Variants in LBP observed in about 807,000 individuals in gnomAD.
LBP encodes lipopolysaccharide binding protein, also known as lipopolysaccharide-binding protein.
A neutral mutation model predicts 56.6 loss-of-function variants in LBP; 53 were observed. The observed-to-expected ratio is 0.94, with a 90% CI of 0.75 to 1.18. The LOEUF (loss-of-function observed/expected upper bound fraction) is 1.18, where lower values mean the gene tolerates loss of function less well. Ranked by LOEUF, LBP falls within the 50% of genes most tolerant of loss-of-function variation. The probability of loss-of-function intolerance (pLI) is 0.00; values close to 1 mark genes in which losing one functional copy is unlikely to be tolerated. For missense variants in LBP, 601 were observed against 598.3 expected, an observed-to-expected ratio of 1.00 and a Z score of -0.05; for synonymous variants, 227 against 247.5, an observed-to-expected ratio of 0.92 and a Z score of 0.78.
intron 1 of LBP, among the ~76,000 whole-genome samples, chr20:38,348,955 G>A (rs762678803): frequency 6.6e-6 from 1 of 151,938 alleles, no homozygotes; most frequent in Non-Finnish European, 1.5e-5. Flanking sequence ...CACCATGCCC[G>A]GCTAATTTTT....
At chr20:38,374,950 A>ATTT (rs370110558) in intron 14 of LBP, among the ~76,000 whole-genome samples, 3 of 127,144 alleles carry the variant, frequency 2.4e-5, no homozygotes, top group South Asian at 2.6e-4. Flanking sequence ...CTCCCAGCTA[A>ATTT]TTTTTTTTTT....
At position 38,373,152 on chromosome 20, in the gene LBP, A is replaced by T; in HGVS notation, c.1324+17A>T. 6.2e-7 allele frequency: 1 copy of T among 1,609,402 alleles called. No homozygotes were observed. Among genetic ancestry groups the T allele is most frequent in the Non-Finnish European group, 8.5e-7 (1 of 1,175,738 alleles). On this transcript the variant is annotated intron_variant, in intron 13 of 14. Transcript: ENST00000217407. ...AGTTCAATGGTAAGAATCACTGTGG[A>T]TTTTTCCAAGTCAAAAGTGAACACT... is the stretch of plus-strand genomic sequence containing the variant.
chr20:38,355,206 T>C, intron 4 of LBP, 140 bp from the exon 5 acceptor site: 1 of 715,766 alleles, frequency 1.4e-6, no homozygotes, highest in Non-Finnish European at 2.5e-6. Context: ...TCAGGCTGGA[T>C]GTGCTGGGAC....
intron 5 of LBP, among the ~76,000 whole-genome samples, chr20:38,359,553 G>A (rs1408010110): frequency 1.3e-5 from 2 of 152,024 alleles, no homozygotes; most frequent in Non-Finnish European, 2.9e-5. Context: ...TTGCACTCTA[G>A]CCTAGATAAC....
intron 3 of LBP, among the ~76,000 whole-genome samples, chr20:38,353,514 G>A (rs907686128): frequency 7.9e-5 from 8 of 100,734 alleles, no homozygotes; most frequent in Admixed American, 1.6e-4. Context: ...TTTTGCTACT[G>A]CCTATGATGC....
At chr20:38,353,887 A>G (rs1360418550) in intron 3 of LBP, among the ~76,000 whole-genome samples, 1 of 149,784 alleles carries the variant, frequency 6.7e-6, no homozygotes, top group African/African-American at 2.5e-5. Flanking sequence ...TTTCCTTGTT[A>G]ATTTATATTG....
intron 5 of LBP, among the ~76,000 whole-genome samples, chr20:38,360,266 A>C (rs1456235770): frequency 6.6e-6 from 1 of 152,036 alleles, no homozygotes; most frequent in African/African-American, 2.4e-5. Context: ...TCTCAAAAAA[A>C]AAAAAAAACA....
Position 38,350,804 on chromosome 20 carries a change from C to T in LBP, c.240-7C>T, listed in dbSNP as rs2076817750. ...GCTGACACCTCCTTCCATGTCTCTC[C>T]CTTCAGCCTGAACATCCACAGCTGT... On this transcript the variant is annotated splice_polypyrimidine_tract_variant and splice_region_variant and intron_variant, in intron 2 of 14. Transcript: ENST00000217407. 1.9e-6 allele frequency: 3 copies of T among 1,601,030 alleles called. No individual in the cohort carries two copies. The highest frequency in any genetic ancestry group is 4.5e-5 in the East Asian group (2 of 44,550).
rs2076835530 is a variant in LBP at position 38,355,444 on chromosome 20, T to C, written c.588+35T>C. ...TCCAAGCCTCTGGCCTCCCCCGAGC[T>C]TGGCGAGGGCTGAATGGAAGACCTC... On this transcript the variant is annotated intron_variant, in intron 5 of 14. Transcript: ENST00000217407. 3.1e-6 allele frequency: 5 copies of C among 1,590,148 alleles called. No homozygotes were observed. The East Asian group carries it at 1.1e-4, about 36-fold the overall frequency.
chr20:38,354,729 C>A (rs573089875), intron 4 of LBP, among the ~76,000 whole-genome samples: 1 of 151,998 alleles, frequency 6.6e-6, no homozygotes, highest in African/African-American at 2.4e-5. Flanking sequence ...GGAGAGTTTG[C>A]GAAAAACATA....
At chr20:38,364,419 T>G (rs957600605) in intron 7 of LBP, among the ~76,000 whole-genome samples, 157 bp from the exon 8 acceptor site, 3 of 152,184 alleles carry the variant, frequency 2.0e-5, no homozygotes, top group Admixed American at 2.0e-4. Flanking sequence ...AAGCTTCTGG[T>G]GAGCTTTTCA....
In LBP at chr20:38,374,950, A is replaced by ATTTTTTTTTTTTTTTTTT. The variant is rs370110558; in HGVS notation, c.1401+938_1401+955dup. Among the ~76,000 whole-genome samples, 329 of 126,994 alleles carry ATTTTTTTTTTTTTTTTTT rather than the reference A, an allele frequency of 2.6e-3. 3 individuals are homozygous for ATTTTTTTTTTTTTTTTTT. Among genetic ancestry groups the ATTTTTTTTTTTTTTTTTT allele is most frequent in the African/African-American group, 3.8e-3 (124 of 32,422 alleles). The allele number at this position is 126,994 out of a possible 152,430, so 83.3% of individuals were successfully genotyped here. On this transcript the variant is annotated intron_variant, in intron 14 of 14. Transcript: ENST00000217407. ...AGGCTCCCGCCACCACTCCCAGCTA[A>ATTTTTTTTTTTTTTTTTT]TTTTTTTTTTTTTTTTTTGTATTTT...
At chr20:38,349,708 C>T in intron 2 of LBP, 46 bp downstream of exon 2, 1 of 1,351,866 alleles carries the variant, frequency 7.4e-7, no homozygotes. Context: ...CTGGAGCTGG[C>T]TGTCAGGGGG....
chr20:38,372,778 T>C (rs902214046), intron 12 of LBP, among the ~76,000 whole-genome samples: 1 of 152,088 alleles, frequency 6.6e-6, no homozygotes, highest in East Asian at 1.9e-4. Context: ...ATTATGTAGG[T>C]AGTTCAGGAA....
chr20:38,346,720 G>A (rs1341856184), intron 1 of LBP, 80 bp downstream of exon 1: 1 of 1,581,262 alleles, frequency 6.3e-7, no homozygotes, highest in Admixed American at 1.7e-5. Context: ...CAGGGAGTGG[G>A]GACACAGACC....
At chr20:38,375,132 CT>C (rs1039605864) in intron 14 of LBP, among the ~76,000 whole-genome samples, 1 of 151,648 alleles carries the variant, frequency 6.6e-6, no homozygotes, top group African/African-American at 2.4e-5. Flanking sequence ...ATTCATAAAC[CT>C]ATTGCTCCAC....
At position 38,350,814 on chromosome 20, in the gene LBP, G is replaced by A. The variant is rs1409401580; in HGVS notation, c.243G>A (p.Leu81=). ...CCTTCCATGTCTCTCCCTTCAGCCT[G>A]AACATCCACAGCTGTGAGCTGCTTC... is the stretch of plus-strand genomic sequence containing the variant. ...VGRGRYEFHS[L]NIHSCELLHS... is the part of the protein sequence containing the mutation. Residue 81 remains leucine, a synonymous_variant, in exon 3 of 15, where the codon CTG becomes CTA. Coordinates refer to ENST00000217407, the MANE Select transcript of LBP (RefSeq NM_004139.5). 1 of 1,604,002 alleles carries A rather than the reference G, an allele frequency of 6.2e-7. No individual in the cohort carries two copies. Among genetic ancestry groups the A allele is most frequent in the Non-Finnish European group, 8.5e-7 (1 of 1,172,376 alleles).
At chr20:38,348,620 T>C (rs1435672287) in intron 1 of LBP, among the ~76,000 whole-genome samples, 1 of 151,972 alleles carries the variant, frequency 6.6e-6, no homozygotes, top group Non-Finnish European at 1.5e-5. Flanking sequence ...TTTAATAATA[T>C]AAACCCTATT....
At chr20:38,374,105 C>A in intron 14 of LBP, 92 bp downstream of exon 14, 1 of 1,308,222 alleles carries the variant, frequency 7.6e-7, no homozygotes, top group Non-Finnish European at 1.1e-6. Context: ...TGACACCCAG[C>A]CCAGCCCTGC....
Sources: gnomAD v4.1 joint callset for allele counts (sites outside exome capture counted in the v4.1 genomes callset) on GRCh38, gnomAD v4.1.1 for gene constraint, MANE v1.5 for transcripts, NCBI Gene and HGNC (gene_info 2026-07-23, HGNC 2026-07-21) for gene names.